Variants in PCDHGA7 observed in about 807,000 individuals in gnomAD.
The protein encoded by PCDHGA7 is protocadherin gamma subfamily A, 7, also known as protocadherin gamma-A7.
In PCDHGA7, 44 loss-of-function variants were observed where a neutral mutation model predicts 58.3. The observed-to-expected ratio is 0.75, with a 90% CI of 0.59 to 0.97. The LOEUF is 0.97. Among genes scored for constraint, PCDHGA7 ranks in the 50% least tolerant of loss-of-function variants. PCDHGA7 has a pLI of 0.00. For synonymous variants in PCDHGA7, 516 were observed against 504.2 expected (o/e 1.02, Z -0.31); for missense variants, 1,266 against 1,188.7 (o/e 1.06, Z -0.96).
chr5:141,414,283 G>A, intron 1 of PCDHGA7: 1 of 1,613,520 alleles, frequency 6.2e-7, no homozygotes, highest in South Asian at 1.1e-5. Flanking sequence ...GGGAACAGTC[G>A]TAGCCCTTTT....
intron 1 of PCDHGA7, chr5:141,468,381 G>A (rs1297428363): frequency 2.0e-5 from 3 of 149,754 alleles, no homozygotes; most frequent in South Asian, 2.1e-4. Flanking sequence ...AGCCATACAA[G>A]GCTACCCATT....
chr5:141,409,761 T>A, intron 1 of PCDHGA7: 1 of 1,612,966 alleles, frequency 6.2e-7, no homozygotes, highest in Non-Finnish European at 8.5e-7. Context: ...CAGCGCGCCT[T>A]TGATCACGAG....
chr5:141,399,430 A>G (rs758530359), intron 1 of PCDHGA7: 12 of 1,614,016 alleles, frequency 7.4e-6, no homozygotes, highest in Non-Finnish European at 1.0e-5. Context: ...CATAAGCGTC[A>G]TCCTACATAT....
At chr5:141,410,340 T>G in intron 1 of PCDHGA7, 1 of 1,614,068 alleles carries the variant, frequency 6.2e-7, no homozygotes, top group Non-Finnish European at 8.5e-7. Flanking sequence ...GCCATTGCCT[T>G]GCGCCTGCGA....
chr5:141,506,688 T>G (rs114532236), intron 3 of PCDHGA7, among the ~76,000 whole-genome samples: 2,113 of 152,334 alleles, frequency 0.014, 37 homozygotes, highest in African/African-American at 0.048. Flanking sequence ...TTATCTTTGC[T>G]GACCCAAACC....
chr5:141,417,285 A>C (rs913143514), intron 1 of PCDHGA7: 2 of 152,254 alleles, frequency 1.3e-5, no homozygotes, highest in African/African-American at 4.8e-5. Flanking sequence ...AAGGAACAAG[A>C]ATGACTGCCT....
chr5:141,472,853 G>A (rs1283601489), intron 1 of PCDHGA7, among the ~76,000 whole-genome samples: 1 of 151,738 alleles, frequency 6.6e-6, no homozygotes, highest in Non-Finnish European at 1.5e-5. Flanking sequence ...GGGCATGGTG[G>A]CACATGCCTG....
chr5:141,473,616 G>A (rs1049605139), intron 1 of PCDHGA7, among the ~76,000 whole-genome samples: 5 of 152,118 alleles, frequency 3.3e-5, no homozygotes, highest in African/African-American at 1.2e-4. Flanking sequence ...GCAAAGGGAG[G>A]GAGGAAAAAG....
Position 141,388,565 on chromosome 5 carries a change from G to C in PCDHGA7, c.2424+3242G>C, listed in dbSNP as rs149167054. ...CTCCACCCCTAAGCAGCACTGCACAGATACACGTTCTAGTGACTGATGCCA... is the reference window on the plus strand; with the variant it reads ...CTCCACCCCTAAGCAGCACTGCACACATACACGTTCTAGTGACTGATGCCA... On this transcript the variant is annotated intron_variant, in intron 1 of 3. Transcript: ENST00000518325. The C allele has an allele frequency of 1.1e-3, 1,717 of 1,613,854 alleles. 24 individuals carry two copies. The highest frequency in any genetic ancestry group is 4.6e-4 in the Non-Finnish European group (537 of 1,179,878).
chr5:141,432,031 C>T lies in PCDHGA7; in HGVS notation c.2424+46708C>T. The T allele has an allele frequency of 6.2e-7, 1 of 1,614,220 alleles. No individual in the cohort carries two copies. Among genetic ancestry groups the T allele is most frequent in the Non-Finnish European group, 8.5e-7 (1 of 1,180,048 alleles). ...CTAGCTACAACATCACAGTGACCGC[C>T]ACTGACCGGGGAACCCCGCCCCTAT... On this transcript the variant is annotated intron_variant, in intron 1 of 3. Coordinates refer to ENST00000518325, the MANE Select transcript of PCDHGA7 (RefSeq NM_018920.4). This position sits in a 1 kb window ranked among gnomAD's most constrained non-coding sequence, Gnocchi z 6.0.
intron 1 of PCDHGA7, among the ~76,000 whole-genome samples, chr5:141,492,438 G>C (rs2099740636): frequency 6.6e-6 from 1 of 152,236 alleles, no homozygotes; most frequent in Non-Finnish European, 1.5e-5. Flanking sequence ...AGGAGTACTC[G>C]TAGCTGATTG....
chr5:141,490,846 G>T lies in PCDHGA7; in HGVS notation c.2425-3961G>T. 1 of 1,613,880 alleles carries T rather than the reference G, an allele frequency of 6.2e-7. No individual in the cohort carries two copies. Among genetic ancestry groups the T allele is most frequent in the Non-Finnish European group, 8.5e-7 (1 of 1,179,906 alleles). ...GCAGATGCTGCAGATTGTGGTGGGG[G>T]TTCGAGACTCCGGCTCTCCCCCATT... On this transcript the variant is annotated intron_variant, in intron 1 of 3. Coordinates refer to ENST00000518325, the MANE Select transcript of PCDHGA7 (RefSeq NM_018920.4). This position sits in a 1 kb window ranked among gnomAD's most constrained non-coding sequence, Gnocchi z 5.4.
chr5:141,476,446 G>A lies in PCDHGA7; in HGVS notation c.2425-18361G>A. On this transcript the variant is annotated intron_variant, in intron 1 of 3. Transcript: ENST00000518325. This position sits in a 1 kb window ranked among gnomAD's most constrained non-coding sequence, Gnocchi z 7.6. Reference sequence around the variant, plus strand: ...CCTCTTGCACTGTAACTCTGGAGTTGGTAGTGGAGAACCCGCTGGAGCTGT... The same window carrying A: ...CCTCTTGCACTGTAACTCTGGAGTTAGTAGTGGAGAACCCGCTGGAGCTGT... 6.2e-7 allele frequency: 1 copy of A among 1,614,144 alleles called. No homozygotes were observed. Among genetic ancestry groups the A allele is most frequent in the South Asian group, 1.1e-5 (1 of 91,072 alleles).
At chr5:141,465,742 A>G (rs1425097489) in intron 1 of PCDHGA7, among the ~76,000 whole-genome samples, 1 of 151,214 alleles carries the variant, frequency 6.6e-6, no homozygotes, top group Non-Finnish European at 1.5e-5. Flanking sequence ...TGTTTTCAGG[A>G]TCAGACTGGT....
chr5:141,413,994 G>A, intron 1 of PCDHGA7: 1 of 1,613,422 alleles, frequency 6.2e-7, no homozygotes, highest in Non-Finnish European at 8.5e-7. Context: ...CCACCGACAG[G>A]GACGAAGGTG....
chr5:141,388,591 A>G (rs761143693), intron 1 of PCDHGA7: 9 of 1,613,804 alleles, frequency 5.6e-6, no homozygotes, highest in African/African-American at 5.3e-5. Flanking sequence ...ACTGATGCCA[A>G]TGATAATGCT....
intron 1 of PCDHGA7, among the ~76,000 whole-genome samples, chr5:141,488,115 G>A (rs936010936): frequency 1.4e-4 from 21 of 152,298 alleles, no homozygotes; most frequent in Middle Eastern, 3.4e-3. Flanking sequence ...TTGAAACATA[G>A]AGACAGCAGA....
At position 141,399,280 on chromosome 5, in the gene PCDHGA7, G is replaced by A. The variant is rs750453381; in HGVS notation, c.2424+13957G>A. ...GGAGGTTAATTGTCAATTACAAGGCGAAGTCCCTTTTAAGATTATCTCTTC... is the reference window on the plus strand; with the variant it reads ...GGAGGTTAATTGTCAATTACAAGGCAAAGTCCCTTTTAAGATTATCTCTTC... On this transcript the variant is annotated intron_variant, in intron 1 of 3. Coordinates refer to ENST00000518325, the MANE Select transcript of PCDHGA7 (RefSeq NM_018920.4). 20 of 1,613,836 alleles carry A rather than the reference G, an allele frequency of 1.2e-5. No homozygotes were observed. The highest frequency in any genetic ancestry group is 3.3e-4 in the Middle Eastern group (2 of 6,060).
intron 1 of PCDHGA7, among the ~76,000 whole-genome samples, chr5:141,436,889 G>T (rs1319754318): frequency 6.6e-6 from 1 of 152,208 alleles, no homozygotes; most frequent in Non-Finnish European, 1.5e-5. Flanking sequence ...ATGGGGGAAA[G>T]ATTTTTATAT....
Sources: allele counts gnomAD v4.1 joint callset (sites outside exome capture counted in the v4.1 genomes callset), GRCh38; gene constraint gnomAD v4.1.1; non-coding constraint Gnocchi (gnomAD v3.1); transcripts MANE v1.5; gene names NCBI Gene and HGNC (gene_info 2026-07-23, HGNC 2026-07-21).